The following TNNT3 variants were observed in gnomAD, a reference collection of about 807,000 sequenced individuals.
The protein encoded by TNNT3 is troponin T, fast skeletal muscle.
In TNNT3, 36 loss-of-function variants were observed where a neutral mutation model predicts 54.2. The ratio of observed to expected loss-of-function variants is 0.66; its 90% CI spans 0.51 to 0.88. TNNT3 has a LOEUF of 0.88. Ranked by LOEUF, TNNT3 falls within the 40% of genes least tolerant of loss-of-function variation. The pLI, the probability that TNNT3 is intolerant of heterozygous loss-of-function variation, is 0.00. For missense variants in TNNT3, 291 were observed against 331.6 expected, an observed-to-expected ratio of 0.88 and a Z score of 0.95; for synonymous variants, 120 against 109.7, an observed-to-expected ratio of 1.09 and a Z score of -0.59.
At chr11:1,938,408 C>T (rs777397754) in intron 15 of TNNT3, 30 bp from the exon 16 acceptor site, 7 of 1,612,406 alleles carry the variant, frequency 4.3e-6, no homozygotes, top group African/African-American at 1.3e-5. Context: ...AGGCCCTGAC[C>T]CTGAAGGATC....
At chr11:1,928,966 A>C in intron 6 of TNNT3, 154 bp from the exon 7 acceptor site, 114 of 740,886 alleles carry the variant, frequency 1.5e-4, no homozygotes, top group East Asian at 2.7e-4. Context: ...AGCTTGGGGC[A>C]CTTGTAGGGC....
At chr11:1,925,210 G>A in intron 5 of TNNT3, 94 bp downstream of exon 5, 1 of 1,603,650 alleles carries the variant, frequency 6.2e-7, no homozygotes, top group Non-Finnish European at 8.5e-7. Flanking sequence ...AAGGATTGCT[G>A]TGTGCCCCTG....
chr11:1,924,912 T>TC, intron 4 of TNNT3, 187 bp from the exon 5 acceptor site: 1 of 701,376 alleles, frequency 1.4e-6, no homozygotes, highest in South Asian at 1.5e-5. Context: ...GAGTCCGTGC[T>TC]CCCCGGGGCT....
At chr11:1,936,863 C>G (rs1341542277) in intron 14 of TNNT3, 100 bp from the exon 15 acceptor site, 2 of 1,277,560 alleles carry the variant, frequency 1.6e-6, no homozygotes, top group African/African-American at 2.9e-5. Context: ...AGCCCTGGGT[C>G]GCGCAGCCCA....
chr11:1,922,754 C>A, intron 1 of TNNT3, 103 bp from the exon 2 acceptor site: 1 of 1,203,888 alleles, frequency 8.3e-7, no homozygotes, highest in South Asian at 1.2e-5. Flanking sequence ...CCGCGGTCCC[C>A]CACAGCGCTG....
chr11:1,920,858 G>A (rs1450917948), intron 1 of TNNT3, among the ~76,000 whole-genome samples: 2 of 149,026 alleles, frequency 1.3e-5, no homozygotes, highest in South Asian at 2.1e-4. Context: ...GCCCCTCCCC[G>A]CAACAGAGGC....
intron 9 of TNNT3, 143 bp from the exon 10 acceptor site, chr11:1,933,578 G>C: frequency 1.4e-6 from 1 of 716,974 alleles, no homozygotes; most frequent in Non-Finnish European, 2.5e-6. Context: ...AACATTCCTT[G>C]CCACTTGCCA....
At chr11:1,930,412 C>T (rs991493571) in intron 8 of TNNT3, among the ~76,000 whole-genome samples, 2 of 152,294 alleles carry the variant, frequency 1.3e-5, no homozygotes, top group Middle Eastern at 3.4e-3. Flanking sequence ...ACACCTTGAC[C>T]GTGTCCAGAA....
At chr11:1,924,708 G>C (rs979475515) in intron 4 of TNNT3, among the ~76,000 whole-genome samples, 1 of 152,174 alleles carries the variant, frequency 6.6e-6, no homozygotes, top group African/African-American at 2.4e-5. Context: ...CAGAGCCGGG[G>C]CTTCCCGCAG....
At chr11:1,928,849 G>A (rs369314768) in intron 6 of TNNT3, 130 of 479,036 alleles carry the variant, frequency 2.7e-4, no homozygotes, top group African/African-American at 2.3e-3. Flanking sequence ...ACCTTGCCCC[G>A]CGAGGTCCCC....
At chr11:1,936,563 G>A (rs980622032) in intron 14 of TNNT3, among the ~76,000 whole-genome samples, 5 of 152,318 alleles carry the variant, frequency 3.3e-5, no homozygotes, top group African/African-American at 4.8e-5. Context: ...AGGGCCGTTC[G>A]GAGCTCTGAG....
chr11:1,921,912 G>A (rs143801060), intron 1 of TNNT3, among the ~76,000 whole-genome samples: 44 of 152,308 alleles, frequency 2.9e-4, no homozygotes, highest in Admixed American at 9.1e-4. Flanking sequence ...ACAGAGAGAC[G>A]GTCCCCAGCA....
chr11:1,929,584 A>G (rs1389770412), intron 7 of TNNT3, among the ~76,000 whole-genome samples: 1 of 152,094 alleles, frequency 6.6e-6, no homozygotes, highest in Non-Finnish European at 1.5e-5. Flanking sequence ...TCCTGGCCCC[A>G]GGCCCTGAGC....
At chr11:1,929,059 C>T (rs755296486) in intron 6 of TNNT3, 61 bp from the exon 7 acceptor site, 2 of 1,601,998 alleles carry the variant, frequency 1.2e-6, no homozygotes, top group Non-Finnish European at 1.7e-6. Context: ...GCCCACTGCT[C>T]CCCCGCAGCC....
At chr11:1,928,922 C>G in intron 6 of TNNT3, 198 bp from the exon 7 acceptor site, 1 of 650,808 alleles carries the variant, frequency 1.5e-6, no homozygotes, top group Non-Finnish European at 2.8e-6. Context: ...CCAGCCCCTT[C>G]CACCCCCTCC....
chr11:1,921,256 T>A (rs941556670), intron 1 of TNNT3: 1 of 152,234 alleles, frequency 6.6e-6, no homozygotes, highest in Non-Finnish European at 1.5e-5. Flanking sequence ...GCTGCCCCCA[T>A]CTTGTGGCAG....
Position 1,938,298 on chromosome 11 carries a change from G to A in TNNT3, c.723-140G>A, listed in dbSNP as rs568733993. 8,552 of 903,278 alleles carry A rather than the reference G, an allele frequency of 9.5e-3. 63 individuals carry two copies. The highest frequency in any genetic ancestry group is 0.013 in the Non-Finnish European group (7,321 of 544,028). The allele number at this position is 903,278 out of a possible 1,614,324, so 56.0% of individuals were successfully genotyped here. On this transcript the variant is annotated intron_variant, in intron 15 of 15. Coordinates refer to ENST00000278317, the MANE Select transcript of TNNT3 (RefSeq NM_006757.4). ...GTGGGCACTGCCCGGACTGAAGCTG[G>A]GTGTGGGCCGCAAGCTTGGGCCGGG...
Position 1,924,818 on chromosome 11 carries a change from G to T in TNNT3, c.50-281G>T, listed in dbSNP as rs999374956. On this transcript the variant is annotated intron_variant, in intron 4 of 15. Transcript: ENST00000278317. ...GCGCCTCCAGGCATGGGAATACCAG[G>T]CCCCCAGGAGGGTGGGAGGGGCCTC... 4 of 592,882 alleles carry T rather than the reference G, an allele frequency of 6.7e-6. No individual in the cohort carries two copies. In the African/African-American group the frequency reaches 7.5e-5, roughly 11 times the overall value. 36.7% of individuals were successfully genotyped at this position (592,882 alleles called of 1,614,324 possible).
intron 5 of TNNT3, 80 bp from the exon 6 acceptor site, chr11:1,926,615 C>T: frequency 6.2e-7 from 1 of 1,610,002 alleles, no homozygotes; most frequent in Non-Finnish European, 8.5e-7. Flanking sequence ...CCCTGCCCGC[C>T]CTCCTCTCTG....
Sources: gnomAD v4.1 joint callset for allele counts (sites outside exome capture counted in the v4.1 genomes callset) on GRCh38, gnomAD v4.1.1 for gene constraint, MANE v1.5 for transcripts, NCBI Gene and HGNC (gene_info 2026-07-23, HGNC 2026-07-21) for gene names.